Variants in CCSER1 observed in about 807,000 individuals in gnomAD.
CCSER1 encodes the protein coiled-coil serine rich protein 1.
A neutral mutation model predicts 82.0 loss-of-function variants in CCSER1; 41 were observed. That is an observed-to-expected ratio of 0.50 (90% confidence interval 0.39 to 0.65). CCSER1 has a LOEUF of 0.65. CCSER1 is among the 30% of genes least tolerant of loss of function. The pLI, the probability that CCSER1 is intolerant of heterozygous loss-of-function variation, is 0.00. For missense variants in CCSER1, 1,119 were observed against 1,064.2 expected, an observed-to-expected ratio of 1.05 and a Z score of -0.72; for synonymous variants, 414 against 383.9, an observed-to-expected ratio of 1.08 and a Z score of -0.92.
At chr4:90,810,644 T>A (rs1472995950) in intron 7 of CCSER1, among the ~76,000 whole-genome samples, 1 of 128,470 alleles carries the variant, frequency 7.8e-6, no homozygotes, top group Non-Finnish European at 1.7e-5. Context: ...AGACTCCCTC[T>A]CAACAACAAC....
At chr4:90,386,755 A>C (rs892862956) in intron 3 of CCSER1, among the ~76,000 whole-genome samples, 1 of 152,158 alleles carries the variant, frequency 6.6e-6, no homozygotes, top group Non-Finnish European at 1.5e-5. Context: ...GATGAATTGC[A>C]CCTGCTGTTT....
chr4:90,849,783 C>T (rs144525034), intron 8 of CCSER1, among the ~76,000 whole-genome samples: 2,447 of 139,776 alleles, frequency 0.018, 46 homozygotes, highest in African/African-American at 0.055. Context: ...TGCAAAACTC[C>T]ATCTCATAAA....
intron 8 of CCSER1, among the ~76,000 whole-genome samples, chr4:90,858,555 C>T (rs1580805719): frequency 1.3e-5 from 2 of 151,994 alleles, no homozygotes; most frequent in East Asian, 3.9e-4. Flanking sequence ...ATAGTATTGC[C>T]TGTGGTATTT....
intron 7 of CCSER1, chr4:90,724,656 T>C (rs778571535): frequency 5.2e-6 from 2 of 386,646 alleles, no homozygotes; most frequent in Admixed American, 3.0e-5. Context: ...ATTAGGATTA[T>C]TATAAATAAA....
At chr4:90,394,788 G>A (rs181165113) in intron 3 of CCSER1, among the ~76,000 whole-genome samples, 2 of 151,938 alleles carry the variant, frequency 1.3e-5, no homozygotes, top group East Asian at 1.9e-4. Context: ...GACATTTCAT[G>A]TTATTAGTTG....
intron 5 of CCSER1, among the ~76,000 whole-genome samples, chr4:90,620,491 T>C (rs1560826097): frequency 1.3e-5 from 2 of 152,210 alleles, no homozygotes; most frequent in African/African-American, 4.8e-5. Flanking sequence ...TGTGGATACA[T>C]TGATGAACAA....
rs926387572 is a variant in CCSER1 at position 91,516,649 on chromosome 4, C to T, written c.2218-81923C>T. On this transcript the variant is annotated intron_variant, in intron 10 of 10. Coordinates refer to ENST00000509176, the MANE Select transcript of CCSER1 (RefSeq NM_001145065.2). ...TTTGAAGTGAGCTAGTATTATGCTT[C>T]CAGCTTTGTTCTTTTTGCTTAGGAC... Among the ~76,000 whole-genome samples the T allele has an allele frequency of 3.3e-5, 5 of 152,224 alleles. No individual in the cohort carries two copies. The South Asian group carries it at 1.0e-3, about 32-fold the overall frequency.
In CCSER1 at chr4:90,308,234, C is replaced by G; in HGVS notation, c.-41-10C>G. 6.9e-7 allele frequency: 1 copy of G among 1,458,990 alleles called. No individual in the cohort carries two copies. The highest frequency in any genetic ancestry group is 9.0e-7 in the Non-Finnish European group (1 of 1,105,164). The allele number at this position is 1,458,990 out of a possible 1,614,324, so 90.4% of individuals were successfully genotyped here. ...TATTGACTTGTTGTTTTTGTTTTAACCTTTCTCAGGCTGCAAAGTTGGCTT... is the reference window on the plus strand; with the variant it reads ...TATTGACTTGTTGTTTTTGTTTTAAGCTTTCTCAGGCTGCAAAGTTGGCTT... On this transcript the variant is annotated splice_polypyrimidine_tract_variant and intron_variant, in intron 1 of 10. Coordinates refer to ENST00000509176, the MANE Select transcript of CCSER1 (RefSeq NM_001145065.2).
At chr4:90,415,706 A>G (rs985495153) in intron 4 of CCSER1, among the ~76,000 whole-genome samples, 2 of 152,208 alleles carry the variant, frequency 1.3e-5, no homozygotes, top group East Asian at 3.8e-4. Flanking sequence ...TAGCTATTTA[A>G]TCCATGGTAA....
intron 7 of CCSER1, among the ~76,000 whole-genome samples, chr4:90,745,438 C>T (rs960148489): frequency 4.6e-5 from 7 of 152,142 alleles, no homozygotes; most frequent in Non-Finnish European, 1.0e-4. Context: ...TCCCCTTTGC[C>T]ATGGATATCT....
chr4:90,675,703 TATGTG>T (rs374639261), intron 6 of CCSER1, among the ~76,000 whole-genome samples: 11 of 242 alleles, frequency 0.045, 1 homozygote, highest in Non-Finnish European at 0.052. Flanking sequence ...TTTTTTTTTT[TATGTG>T]TTTTTTTTTT....
intron 9 of CCSER1, among the ~76,000 whole-genome samples, chr4:91,024,943 T>C (rs138253979): frequency 1.3e-5 from 2 of 152,254 alleles, no homozygotes; most frequent in African/African-American, 4.8e-5. Flanking sequence ...TAAATGACCT[T>C]ACAATCATAT....
rs1162569128 is a variant in CCSER1 at position 90,795,613 on chromosome 4, G to A, written c.2011-20149G>A. Among the ~76,000 whole-genome samples the A allele has an allele frequency of 4.6e-5, 7 of 152,278 alleles. No individual in the cohort carries two copies. The East Asian group carries it at 1.4e-3, about 29-fold the overall frequency. ...TGCTTCCAGCTTTTGCCCATTCAGTGTAGCGTTGGCTGTGGGTTTGTCATA... is the reference window on the plus strand; with the variant it reads ...TGCTTCCAGCTTTTGCCCATTCAGTATAGCGTTGGCTGTGGGTTTGTCATA... On this transcript the variant is annotated intron_variant, in intron 7 of 10. Transcript: ENST00000509176.
intron 8 of CCSER1, chr4:90,911,373 C>A (rs780955114): frequency 3.5e-5 from 16 of 455,680 alleles, no homozygotes; most frequent in South Asian, 2.2e-4. Flanking sequence ...TGACAATGAT[C>A]AATGTGATCT....
At chr4:90,269,625 G>A (rs1026637372) in intron 1 of CCSER1, among the ~76,000 whole-genome samples, 1 of 151,288 alleles carries the variant, frequency 6.6e-6, no homozygotes, top group African/African-American at 2.4e-5. Context: ...TTAAAGAACT[G>A]GAAAAGCAAA....
chr4:90,159,831 C>G (rs1021471646), intron 1 of CCSER1, among the ~76,000 whole-genome samples: 7 of 152,136 alleles, frequency 4.6e-5, no homozygotes, highest in Non-Finnish European at 1.0e-4. Context: ...TAGTGCCTAA[C>G]ATTTATTGAG....
At chr4:91,330,369 G>A (rs999934281) in intron 10 of CCSER1, among the ~76,000 whole-genome samples, 3 of 152,138 alleles carry the variant, frequency 2.0e-5, no homozygotes, top group Non-Finnish European at 2.9e-5. Context: ...AAGTCATGGT[G>A]CTTCAAGTCA....
rs949315541 is a variant in CCSER1, at chr4:90,702,665, A to G, written c.1933-21249A>G. ...CAATTTCAGAGCCTGTTATTAGTCT[A>G]TTAACGGATTCAACTTATTCCTGGT... On this transcript the variant is annotated intron_variant, in intron 6 of 10. Transcript: ENST00000509176. 9.9e-5 allele frequency among the ~76,000 whole-genome samples: 15 copies of G among 152,284 alleles called. 1 individual carries two copies. The highest frequency in any genetic ancestry group is 7.8e-4 in the Admixed American group (12 of 15,288).
intron 1 of CCSER1, among the ~76,000 whole-genome samples, chr4:90,277,660 C>A (rs1016802320): frequency 6.6e-6 from 1 of 151,998 alleles, no homozygotes; most frequent in African/African-American, 2.4e-5. Context: ...CTACCTATCA[C>A]CATATATGAA....
Sources: allele counts gnomAD v4.1 joint callset (sites outside exome capture counted in the v4.1 genomes callset), GRCh38; gene constraint gnomAD v4.1.1; transcripts MANE v1.5; gene names NCBI Gene and HGNC (gene_info 2026-07-23, HGNC 2026-07-21).